KCNQ3: variants seen among roughly 807,000 people sequenced by gnomAD.
KCNQ3 encodes the protein potassium voltage-gated channel subfamily KQT member 3.
In KCNQ3, 30 loss-of-function variants were observed where a neutral mutation model predicts 92.5. The observed-to-expected ratio is 0.32, with a 90% confidence interval of 0.24 to 0.44. KCNQ3 has a LOEUF of 0.44. KCNQ3 is among the 20% of genes least tolerant of loss of function. The pLI is 1.00. For missense variants in KCNQ3, 913 were observed against 1,140.3 expected (o/e 0.80, Z 2.87); for synonymous variants, 450 against 468.8 (o/e 0.96, Z 0.52).
intron 1 of KCNQ3, among the ~76,000 whole-genome samples, chr8:132,214,993 A>G (rs774747412): frequency 6.6e-6 from 1 of 152,240 alleles, no homozygotes; most frequent in Non-Finnish European, 1.5e-5. Context: ...TTTCTGGGAC[A>G]TGTGATCACT....
chr8:132,253,722 T>C (rs2130448251), intron 1 of KCNQ3, among the ~76,000 whole-genome samples: 1 of 152,326 alleles, frequency 6.6e-6, no homozygotes, highest in East Asian at 1.9e-4. Flanking sequence ...TTTCTAACCA[T>C]TCAGTTTTCT....
chr8:132,343,291 TG>T (rs1818589334), intron 1 of KCNQ3, among the ~76,000 whole-genome samples: 1 of 152,210 alleles, frequency 6.6e-6, no homozygotes, highest in East Asian at 1.9e-4. Flanking sequence ...GCCAGGCACA[TG>T]GAAGACACAT....
intron 1 of KCNQ3, among the ~76,000 whole-genome samples, chr8:132,475,610 G>A: frequency 6.6e-6 from 1 of 152,196 alleles, no homozygotes; most frequent in African/African-American, 2.4e-5. Flanking sequence ...TTTCTAAGCA[G>A]CAAAGCATTC....
At chr8:132,462,421 C>A (rs995165496) in intron 1 of KCNQ3, among the ~76,000 whole-genome samples, 9 of 152,280 alleles carry the variant, frequency 5.9e-5, no homozygotes, top group Admixed American at 5.9e-4. Flanking sequence ...CTCTTGACCT[C>A]AAGTGATCTA....
rs1334927271 is a variant in KCNQ3 at position 132,125,674 on chromosome 8, G to GTGTC, written c.*3584_*3587dup. On this transcript the variant is annotated 3_prime_UTR_variant, in exon 15 of 15. Coordinates refer to ENST00000388996, the MANE Select transcript of KCNQ3 (RefSeq NM_004519.4). Reference sequence around the variant, plus strand: ...CAGGAAATTATTCTTTCAAACTACAGTGTCTAGGAAGTACCTTGCACAAAA... The same window carrying GTGTC: ...CAGGAAATTATTCTTTCAAACTACAGTGTCTGTCTAGGAAGTACCTTGCACAAAA... 6.6e-6 allele frequency: 1 copy of GTGTC among 152,182 alleles called. No homozygotes were observed. The highest frequency in any genetic ancestry group is 1.5e-5 in the Non-Finnish European group (1 of 68,038). The allele number at this position is 152,182 out of a possible 1,614,324, so 9.4% of individuals were successfully genotyped here. A position where few individuals can be genotyped will look rare whatever the true frequency, so the allele number is the denominator to read the frequency against.
At chr8:132,141,092 A>G (rs776883459) in intron 10 of KCNQ3, 37 bp downstream of exon 10, 1 of 1,582,434 alleles carries the variant, frequency 6.3e-7, no homozygotes, top group Non-Finnish European at 8.7e-7. Context: ...GGGAGGAAGA[A>G]GTGGAAGAGA....
chr8:132,304,911 T>C (rs1161344364), intron 1 of KCNQ3, among the ~76,000 whole-genome samples: 2 of 152,080 alleles, frequency 1.3e-5, no homozygotes, highest in Non-Finnish European at 2.9e-5. Context: ...AAAGAATTAA[T>C]ATCGATTGGG....
At chr8:132,370,914 A>G (rs1819456316) in intron 1 of KCNQ3, among the ~76,000 whole-genome samples, 1 of 152,186 alleles carries the variant, frequency 6.6e-6, no homozygotes, top group African/African-American at 2.4e-5. Context: ...AGATCAGGAA[A>G]CTGAGGCATA....
intron 1 of KCNQ3, among the ~76,000 whole-genome samples, chr8:132,308,533 C>CA (rs1554643240): frequency 2.6e-5 from 4 of 152,128 alleles, no homozygotes; most frequent in Non-Finnish European, 5.9e-5. Flanking sequence ...GCCATGTTCT[C>CA]AGAGTTATTT....
chr8:132,448,150 T>C (rs188607646), intron 1 of KCNQ3, among the ~76,000 whole-genome samples: 53 of 152,310 alleles, frequency 3.5e-4, no homozygotes, highest in African/African-American at 1.3e-3. Context: ...CCCCCTGTTT[T>C]GTAGCAGCTG....
intron 12 of KCNQ3, among the ~76,000 whole-genome samples, chr8:132,136,178 C>T (rs1230022479): frequency 6.7e-6 from 1 of 150,200 alleles, no homozygotes; most frequent in East Asian, 2.0e-4. Flanking sequence ...AATTACACCT[C>T]CAAGCTGACA....
At chr8:132,289,504 C>T (rs1263428546) in intron 1 of KCNQ3, among the ~76,000 whole-genome samples, 1 of 152,164 alleles carries the variant, frequency 6.6e-6, no homozygotes, top group African/African-American at 2.4e-5. Context: ...CCAAACTCTG[C>T]ACTGTTTTCT....
rs568298707 is a variant in KCNQ3 at position 132,200,635 on chromosome 8, G to A, written c.387-14454C>T. On this transcript the variant is annotated intron_variant, in intron 1 of 14. Transcript: ENST00000388996. Reference sequence around the variant, plus strand: ...AGGAATAAAATAGGGGAATATACACGTTTTATGGAGGTCTCTTTAAAGAAA... The same window carrying A: ...AGGAATAAAATAGGGGAATATACACATTTTATGGAGGTCTCTTTAAAGAAA... 5.9e-5 allele frequency among the ~76,000 whole-genome samples: 9 copies of A among 152,244 alleles called. No individual in the cohort carries two copies. The South Asian group carries it at 8.3e-4, about 14-fold the overall frequency.
chr8:132,425,421 G>A (rs552452183), intron 1 of KCNQ3, among the ~76,000 whole-genome samples: 2 of 152,110 alleles, frequency 1.3e-5, no homozygotes, highest in African/African-American at 4.8e-5. Flanking sequence ...GTAATAATAC[G>A]ATCTGCATTG....
rs553506886 is a variant in KCNQ3, at chr8:132,284,736, G to A, written c.387-98555C>T. On this transcript the variant is annotated intron_variant, in intron 1 of 14. Coordinates refer to ENST00000388996, the MANE Select transcript of KCNQ3 (RefSeq NM_004519.4). ...CCTAGGGTGGTTTAGATTTTTCCTC[G>A]CCAAAACTCATGTCAAAATTTAATT... Among the ~76,000 whole-genome samples, 8 of 152,252 alleles carry A rather than the reference G, an allele frequency of 5.3e-5. No homozygotes were observed. In the South Asian group the frequency reaches 6.2e-4, roughly 12 times the overall value.
At chr8:132,210,935 C>A (rs1262941823) in intron 1 of KCNQ3, among the ~76,000 whole-genome samples, 1 of 152,198 alleles carries the variant, frequency 6.6e-6, no homozygotes, top group Non-Finnish European at 1.5e-5. Context: ...GGCACATAAT[C>A]ACTCAATGGA....
At chr8:132,262,567 A>G (rs1034300208) in intron 1 of KCNQ3, among the ~76,000 whole-genome samples, 1 of 151,650 alleles carries the variant, frequency 6.6e-6, no homozygotes, top group African/African-American at 2.4e-5. Context: ...TAGTGGAAAT[A>G]GTTTGTATAC....
At chr8:132,292,597 G>A (rs189236018) in intron 1 of KCNQ3, among the ~76,000 whole-genome samples, 1 of 152,294 alleles carries the variant, frequency 6.6e-6, no homozygotes, top group African/African-American at 2.4e-5. Flanking sequence ...GAATGAATGG[G>A]TGGATGGAGA....
intron 9 of KCNQ3, among the ~76,000 whole-genome samples, chr8:132,161,659 G>T (rs1038302380): frequency 1.2e-4 from 18 of 150,212 alleles, no homozygotes; most frequent in Admixed American, 1.1e-3. Flanking sequence ...AAAAGAAAAA[G>T]AAAAAGAAAA....
Sources: allele counts gnomAD v4.1 joint callset (sites outside exome capture counted in the v4.1 genomes callset), GRCh38; gene constraint gnomAD v4.1.1; transcripts MANE v1.5; gene names NCBI Gene and HGNC (gene_info 2026-07-23, HGNC 2026-07-21).